Variants in MYO9B observed in about 807,000 individuals in gnomAD.
The protein encoded by MYO9B is myosin IXB.
MYO9B carries 71 observed loss-of-function variants against 229.5 expected under a neutral mutation model. That is an observed-to-expected ratio of 0.31 (90% CI 0.26 to 0.38). MYO9B has a LOEUF of 0.38. Among genes scored for constraint, MYO9B ranks in the 10% least tolerant of loss-of-function variants. MYO9B has a pLI of 1.00. For missense variants in MYO9B, 2,255 were observed against 2,920.5 expected (o/e 0.77, Z 5.25); for synonymous variants, 1,185 against 1,235.8 (o/e 0.96, Z 0.86).
At chr19:17,106,989 G>A (rs542190256) in intron 2 of MYO9B, among the ~76,000 whole-genome samples, 30 of 152,312 alleles carry the variant, frequency 2.0e-4, no homozygotes, top group African/African-American at 7.2e-4. Context: ...CTTGAACTTG[G>A]GAGGTGGAGG....
intron 3 of MYO9B, among the ~76,000 whole-genome samples, chr19:17,145,713 G>C (rs17533903): frequency 6.6e-6 from 1 of 151,866 alleles, no homozygotes; most frequent in Non-Finnish European, 1.5e-5. Context: ...AGAGGTAGTG[G>C]GCTTTACCGA....
intron 3 of MYO9B, among the ~76,000 whole-genome samples, chr19:17,149,670 A>G (rs1234072006): frequency 1.3e-5 from 2 of 152,156 alleles, no homozygotes; most frequent in African/African-American, 4.8e-5. Flanking sequence ...TCTCCATGCC[A>G]TTCCCACCAA....
chr19:17,108,261 G>A (rs1449237004), intron 2 of MYO9B, among the ~76,000 whole-genome samples: 3 of 152,208 alleles, frequency 2.0e-5, no homozygotes, highest in Non-Finnish European at 2.9e-5. Context: ...TGGTGCCCAC[G>A]CCGGCTTCCA....
chr19:17,125,256 A>G (rs984026122), intron 2 of MYO9B, among the ~76,000 whole-genome samples: 1 of 151,046 alleles, frequency 6.6e-6, no homozygotes, highest in Non-Finnish European at 1.5e-5. Flanking sequence ...AGCCAAGATC[A>G]TGCCACTGCA....
chr19:17,174,228 T>C (rs1359995235), intron 13 of MYO9B, among the ~76,000 whole-genome samples: 1 of 151,780 alleles, frequency 6.6e-6, no homozygotes, highest in East Asian at 2.0e-4. Context: ...AGATAGGGTT[T>C]CACCATGTTA....
intron 3 of MYO9B, among the ~76,000 whole-genome samples, chr19:17,150,281 G>A (rs933452551): frequency 9.9e-5 from 15 of 152,120 alleles, no homozygotes; most frequent in African/African-American, 3.6e-4. Flanking sequence ...GGTGGCTCAT[G>A]CCTATAATCC....
chr19:17,123,026 G>A (rs897469673), intron 2 of MYO9B, among the ~76,000 whole-genome samples: 1 of 152,192 alleles, frequency 6.6e-6, no homozygotes. Context: ...ATTGGAGGCT[G>A]AAGTGAGCTA....
At chr19:17,081,191 C>T (rs556486219) in intron 1 of MYO9B, among the ~76,000 whole-genome samples, 62 of 152,150 alleles carry the variant, frequency 4.1e-4, no homozygotes, top group African/African-American at 1.5e-3. Flanking sequence ...CCACGCCCAG[C>T]TACTTTTTGT....
intron 1 of MYO9B, among the ~76,000 whole-genome samples, chr19:17,080,757 A>G (rs1376450374): frequency 1.3e-5 from 2 of 152,062 alleles, no homozygotes; most frequent in Non-Finnish European, 2.9e-5. Flanking sequence ...TGGTCCCAGC[A>G]CTTTAAGAAG....
intron 26 of MYO9B, among the ~76,000 whole-genome samples, chr19:17,201,624 G>A (rs2073107116): frequency 6.6e-6 from 1 of 152,128 alleles, no homozygotes. Flanking sequence ...GGACATTGGG[G>A]TTATCACAGC....
At position 17,206,159 on chromosome 19, in the gene MYO9B, G is replaced by T. The variant is rs754249800; in HGVS notation, c.5257+7G>T. ...CGGCAGGCGCTGCAGACAGGTGGGC[G>T]CTGTGGGCAGGTGGGTGCAGTGCCA... On this transcript the variant is annotated splice_region_variant and intron_variant, in intron 32 of 39. Coordinates refer to ENST00000682292, the MANE Select transcript of MYO9B (RefSeq NM_004145.4). 3.7e-6 allele frequency: 6 copies of T among 1,608,604 alleles called. No individual in the cohort carries two copies. Among genetic ancestry groups the T allele is most frequent in the East Asian group, 2.2e-5 (1 of 44,774 alleles).
At chr19:17,169,804 T>C (rs73010342) in intron 11 of MYO9B, among the ~76,000 whole-genome samples, 1,152 of 54,978 alleles carry the variant, frequency 0.021, 14 homozygotes, top group African/African-American at 0.057. Context: ...GTCTCCTCCT[T>C]TTTTTTTTTT....
chr19:17,169,371 C>CAAAAA (rs58898086), intron 11 of MYO9B, among the ~76,000 whole-genome samples: 7 of 88,944 alleles, frequency 7.9e-5, no homozygotes, highest in South Asian at 4.1e-4. Context: ...GACTCTGTCT[C>CAAAAA]AAAAAAAAAA....
At chr19:17,175,806 C>T (rs1405665921) in intron 14 of MYO9B, 65 bp downstream of exon 14, 2 of 929,406 alleles carry the variant, frequency 2.2e-6, no homozygotes, top group Non-Finnish European at 3.2e-6. Context: ...TTTCAAACAA[C>T]TTAGGGAATG....
chr19:17,084,448 G>A (rs568138784), intron 1 of MYO9B, among the ~76,000 whole-genome samples: 1 of 152,188 alleles, frequency 6.6e-6, no homozygotes, highest in South Asian at 2.1e-4. Context: ...CCTCAGCACT[G>A]CTGATATTTG....
intron 2 of MYO9B, among the ~76,000 whole-genome samples, chr19:17,134,143 G>A (rs1003720436): frequency 2.6e-5 from 4 of 151,930 alleles, no homozygotes; most frequent in Non-Finnish European, 5.9e-5. Flanking sequence ...AATGGTTAGG[G>A]TTGGGCTTCT....
rs2145072971 is a variant in MYO9B at position 17,110,248 on chromosome 19, G to A, written c.840+7691G>A. Among the ~76,000 whole-genome samples the A allele has an allele frequency of 2.0e-5, 3 of 152,336 alleles. No homozygotes were observed. In the South Asian group the frequency reaches 6.2e-4, roughly 32 times the overall value. ...CCAAAAAACAGGAAGGGAGCACTGT[G>A]GAAAGCCGGTTCCAATCAGCTGATC... On this transcript the variant is annotated intron_variant, in intron 2 of 39. Transcript: ENST00000682292.
chr19:17,164,434 G>A (rs1231333830), intron 10 of MYO9B, among the ~76,000 whole-genome samples: 4 of 151,318 alleles, frequency 2.6e-5, no homozygotes, highest in African/African-American at 4.9e-5. Context: ...AGGCTGGAGT[G>A]CAGTGGCACG....
At chr19:17,182,070 C>CT (rs765799238) in intron 15 of MYO9B, among the ~76,000 whole-genome samples, 2,026 of 142,140 alleles carry the variant, frequency 0.014, 22 homozygotes, top group Non-Finnish European at 0.02. Context: ...ATTCACCGCC[C>CT]TTTTTTTTTT....
Sources: allele counts gnomAD v4.1 joint callset (sites outside exome capture counted in the v4.1 genomes callset), GRCh38; gene constraint gnomAD v4.1.1; transcripts MANE v1.5; gene names NCBI Gene and HGNC (gene_info 2026-07-23, HGNC 2026-07-21).